XKR9: variants seen among roughly 807,000 people sequenced by gnomAD.
XKR9 encodes the protein XK related 9.
A neutral mutation model predicts 32.0 loss-of-function variants in XKR9; 32 were observed. The observed-to-expected ratio is 1.00, with a 90% CI of 0.76 to 1.34. The LOEUF is 1.34. XKR9 is among the 40% of genes most tolerant of loss of function. XKR9 has a pLI of 0.00. For synonymous variants in XKR9, 168 were observed against 143.4 expected, an observed-to-expected ratio of 1.17 and a Z score of -1.22; for missense variants, 546 against 429.7, an observed-to-expected ratio of 1.27 and a Z score of -2.39.
chr8:70,768,545 T>C (rs571729287), intron 2 of XKR9, among the ~76,000 whole-genome samples: 5 of 152,198 alleles, frequency 3.3e-5, no homozygotes, highest in African/African-American at 7.2e-5. Context: ...TATTATTGTG[T>C]GGGAGTCTAA....
the XKR9 span, among the ~76,000 whole-genome samples, chr8:70,881,835 A>T: frequency 6.6e-6 from 1 of 152,234 alleles, no homozygotes. Context: ...TTGCGGCACT[A>T]TTCACAATAG....
chr8:70,956,426 G>T, the XKR9 span, among the ~76,000 whole-genome samples: 4 of 152,152 alleles, frequency 2.6e-5, no homozygotes, highest in Non-Finnish European at 5.9e-5. Context: ...CCTGGAAAAA[G>T]CATCATCCAA....
chr8:71,056,161 G>A, the XKR9 span, among the ~76,000 whole-genome samples: 1 of 151,900 alleles, frequency 6.6e-6, no homozygotes, highest in Non-Finnish European at 1.5e-5. Flanking sequence ...TTAAATTTTT[G>A]TTGGAACAAT....
chr8:70,912,467 T>G, the XKR9 span, among the ~76,000 whole-genome samples: 1 of 152,014 alleles, frequency 6.6e-6, no homozygotes, highest in Non-Finnish European at 1.5e-5. Flanking sequence ...AGGTAAATGA[T>G]GAGAGAGGAC....
the XKR9 span, among the ~76,000 whole-genome samples, chr8:70,951,890 T>C: frequency 8.4e-3 from 4 of 474 alleles, no homozygotes; most frequent in Non-Finnish European, 0.016. Flanking sequence ...GTTCTCCTTG[T>C]AGGACCCCCC....
rs1255842719 is a variant in XKR9 at position 70,735,813 on chromosome 8, A to C, written c.*1389A>C. 1.3e-5 allele frequency: 2 copies of C among 151,360 alleles called. No individual in the cohort carries two copies. Among genetic ancestry groups the C allele is most frequent in the East Asian group, 3.9e-4 (2 of 5,106 alleles). The allele number at this position is 151,360 out of a possible 1,614,324, so 9.4% of individuals were successfully genotyped here. ...TGAACTCATCATTTTTTATGGCTGC[A>C]TAGTATTCCATGGTGTATATGTGCC... On this transcript the variant is annotated 3_prime_UTR_variant, in exon 5 of 5. Transcript: ENST00000408926.
chr8:70,707,091 G>T lies in XKR9; in HGVS notation c.431G>T (p.Cys144Phe). ...LRLFETYLEG[C>F]PQLILQLYIL... Reference sequence around the variant, plus strand: ...CTATTTGAGACCTACCTGGAAGGCTGCCCACAACTTATTCTTCAACTCTAC... The same window carrying T: ...CTATTTGAGACCTACCTGGAAGGCTTCCCACAACTTATTCTTCAACTCTAC... The change falls in exon 4 of 5, where the codon TGC (cysteine) becomes TTC (phenylalanine). Residue 144 changes from cysteine to phenylalanine, a missense_variant. Physicochemically the swap from Cys to Phe is radical, Grantham distance 205 (BLOSUM62 -2). Transcript: ENST00000408926. 2 of 1,613,366 alleles carry T rather than the reference G, an allele frequency of 1.2e-6. No individual in the cohort carries two copies. Among genetic ancestry groups the T allele is most frequent in the Non-Finnish European group, 1.7e-6 (2 of 1,179,464 alleles).
At chr8:70,922,411 T>C in the XKR9 span, among the ~76,000 whole-genome samples, 32 of 152,350 alleles carry the variant, frequency 2.1e-4, no homozygotes, top group African/African-American at 7.5e-4. Context: ...GATAATTCCA[T>C]TGATTTCCAA....
chr8:70,808,813 G>A, the XKR9 span, among the ~76,000 whole-genome samples: 1 of 152,244 alleles, frequency 6.6e-6, no homozygotes, highest in Non-Finnish European at 1.5e-5. Context: ...TGAACTGGGT[G>A]GAGCCCACTG....
intron 4 of XKR9, among the ~76,000 whole-genome samples, chr8:70,707,973 G>T (rs1805778282): frequency 6.6e-6 from 1 of 151,962 alleles, no homozygotes; most frequent in Non-Finnish European, 1.5e-5. Flanking sequence ...ATTTATTTCA[G>T]GGGATAAGAT....
the XKR9 span, among the ~76,000 whole-genome samples, chr8:70,884,244 T>C: frequency 1.3e-5 from 2 of 150,766 alleles, no homozygotes; most frequent in Non-Finnish European, 2.9e-5. Context: ...TTATCATTGT[T>C]GAGTATTAAG....
At chr8:70,880,286 A>C in the XKR9 span, among the ~76,000 whole-genome samples, 9,523 of 152,226 alleles carry the variant, frequency 0.063, 419 homozygotes, top group Non-Finnish European at 0.089. Context: ...CAATCAGGCA[A>C]GAAAAAGAAA....
At chr8:70,811,956 C>T in the XKR9 span, among the ~76,000 whole-genome samples, 12 of 152,138 alleles carry the variant, frequency 7.9e-5, no homozygotes, top group African/African-American at 2.7e-4. Context: ...CCAGCATCAT[C>T]CGGATACCAA....
chr8:70,879,886 G>A, the XKR9 span, among the ~76,000 whole-genome samples: 1 of 152,120 alleles, frequency 6.6e-6, no homozygotes, highest in Admixed American at 6.6e-5. Context: ...ATAAAATACT[G>A]GCAAACCGAA....
chr8:70,964,528 T>C, the XKR9 span, among the ~76,000 whole-genome samples: 1 of 152,242 alleles, frequency 6.6e-6, no homozygotes, highest in Non-Finnish European at 1.5e-5. Flanking sequence ...TTAATAGGAA[T>C]AGCATTGAAT....
chr8:70,989,807 G>C, the XKR9 span, among the ~76,000 whole-genome samples: 1 of 152,116 alleles, frequency 6.6e-6, no homozygotes, highest in Non-Finnish European at 1.5e-5. Context: ...AACCTAAACA[G>C]AAACTCTGTA....
chr8:71,002,375 GT>G, the XKR9 span, among the ~76,000 whole-genome samples: 2 of 95,858 alleles, frequency 2.1e-5, no homozygotes, highest in South Asian at 2.6e-4. Flanking sequence ...GTAGGTTTTT[GT>G]TTTTTTTCCG....
the XKR9 span, among the ~76,000 whole-genome samples, chr8:70,795,529 C>T: frequency 6.6e-6 from 1 of 152,128 alleles, no homozygotes; most frequent in Non-Finnish European, 1.5e-5. Flanking sequence ...CATGGTAATT[C>T]TGTGTTTAGG....
At chr8:70,773,215 T>C (rs1053223632) in intron 2 of XKR9, among the ~76,000 whole-genome samples, 6 of 152,172 alleles carry the variant, frequency 3.9e-5, no homozygotes, top group Non-Finnish European at 8.8e-5. Flanking sequence ...CTTTGAGGGA[T>C]TTTTAGTTCA....
Sources: allele counts gnomAD v4.1 joint callset (sites outside exome capture counted in the v4.1 genomes callset), GRCh38; gene constraint gnomAD v4.1.1; transcripts MANE v1.5; gene names NCBI Gene and HGNC (gene_info 2026-07-23, HGNC 2026-07-21).